XPR1: variants seen among roughly 807,000 people sequenced by gnomAD.
XPR1 encodes solute carrier family 53 member 1.
In XPR1, 28 loss-of-function variants were observed where a neutral mutation model predicts 87.5. That is an observed-to-expected ratio of 0.32 (90% CI 0.24 to 0.44). The LOEUF is 0.44. XPR1 is among the 20% of genes least tolerant of loss of function. XPR1 has a pLI of 1.00. For missense variants in XPR1, 559 were observed against 862.3 expected, an observed-to-expected ratio of 0.65 and a Z score of 4.41; for synonymous variants, 300 against 306.1, an observed-to-expected ratio of 0.98 and a Z score of 0.21.
At chr1:180,733,250 C>T (rs186992351) in intron 2 of XPR1, among the ~76,000 whole-genome samples, 228 of 152,260 alleles carry the variant, frequency 1.5e-3, no homozygotes, top group South Asian at 2.7e-3. Flanking sequence ...ACCCTATGTC[C>T]GTGGGGGCTA....
intron 2 of XPR1, among the ~76,000 whole-genome samples, chr1:180,742,171 A>G (rs1324411571): frequency 6.6e-6 from 1 of 151,150 alleles, no homozygotes; most frequent in East Asian, 2.0e-4. Context: ...CATTTCTATT[A>G]TTTCTAATAT....
chr1:180,853,243 T>A (rs1293790295), intron 11 of XPR1, among the ~76,000 whole-genome samples: 1 of 152,220 alleles, frequency 6.6e-6, no homozygotes, highest in African/African-American at 2.4e-5. Context: ...TTCTTTTCAT[T>A]TTTTAAATTC....
At chr1:180,861,049 G>A (rs757993451) in intron 11 of XPR1, among the ~76,000 whole-genome samples, 2 of 151,962 alleles carry the variant, frequency 1.3e-5, no homozygotes, top group Non-Finnish European at 2.9e-5. Flanking sequence ...AGTAAAGAAA[G>A]AAAGAAAATC....
chr1:180,786,217 T>A (rs943587487), intron 2 of XPR1, among the ~76,000 whole-genome samples: 1 of 149,612 alleles, frequency 6.7e-6, no homozygotes, highest in African/African-American at 2.4e-5. Context: ...TTCAGCATGC[T>A]TTTTAGAACC....
Position 180,659,359 on chromosome 1 carries a change from CCG to C in XPR1, c.70-23000_70-22999del, listed in dbSNP as rs1216580814. ...TCCTTCCGTCCTTCCTTCCGTCCTT[CCG>C]TCCTTCCGTCCGTCCTTCCGTCCTT... On this transcript the variant is annotated intron_variant, in intron 1 of 14. Transcript: ENST00000367590. 4.5e-5 allele frequency among the ~76,000 whole-genome samples: 6 copies of C among 133,054 alleles called. No individual in the cohort carries two copies. The East Asian group carries it at 9.7e-4, about 22-fold the overall frequency. The allele number at this position is 133,054 out of a possible 152,430, so 87.3% of individuals were successfully genotyped here.
intron 2 of XPR1, among the ~76,000 whole-genome samples, chr1:180,720,136 T>TA (rs1263523196): frequency 7.2e-5 from 11 of 152,030 alleles, no homozygotes; most frequent in African/African-American, 2.7e-4. Context: ...GGGGTGGTGT[T>TA]ACGAGATAGG....
At chr1:180,874,556 G>T (rs1413175906) in intron 13 of XPR1, among the ~76,000 whole-genome samples, 5 of 152,064 alleles carry the variant, frequency 3.3e-5, no homozygotes, top group African/African-American at 4.8e-5. Flanking sequence ...TGGGCATGGT[G>T]GTGGGCACCT....
chr1:180,775,033 A>G (rs970864504), intron 2 of XPR1, among the ~76,000 whole-genome samples: 3 of 152,188 alleles, frequency 2.0e-5, no homozygotes, highest in African/African-American at 7.2e-5. Flanking sequence ...AGCCTCTTTT[A>G]TAACGTCACT....
intron 1 of XPR1, among the ~76,000 whole-genome samples, chr1:180,680,231 CAAAA>C (rs1656521087): frequency 6.7e-6 from 1 of 149,454 alleles, no homozygotes; most frequent in African/African-American, 2.5e-5. Context: ...CAAAACAAAA[CAAAA>C]ACAATAAAAA....
At chr1:180,789,784 C>G (rs1341677944) in intron 3 of XPR1, among the ~76,000 whole-genome samples, 1 of 152,000 alleles carries the variant, frequency 6.6e-6, no homozygotes, top group Non-Finnish European at 1.5e-5. Context: ...ATCCCTTTAC[C>G]CTCATTGCCT....
At chr1:180,835,710 C>A (rs1228305292) in intron 10 of XPR1, among the ~76,000 whole-genome samples, 1 of 152,094 alleles carries the variant, frequency 6.6e-6, no homozygotes, top group African/African-American at 2.4e-5. Context: ...AGTTGATTTA[C>A]CAACTCCATT....
chr1:180,876,355 G>T (rs913746167), intron 13 of XPR1, among the ~76,000 whole-genome samples: 28 of 152,126 alleles, frequency 1.8e-4, no homozygotes, highest in African/African-American at 6.8e-4. Flanking sequence ...ATCAATCAGG[G>T]CCAGGCACGG....
chr1:180,812,290 G>T (rs1650246196), intron 7 of XPR1, among the ~76,000 whole-genome samples: 1 of 152,046 alleles, frequency 6.6e-6, no homozygotes, highest in Non-Finnish European at 1.5e-5. Flanking sequence ...GTCTATATTT[G>T]TTTCCTATCT....
intron 11 of XPR1, among the ~76,000 whole-genome samples, chr1:180,851,025 G>A (rs1651849651): frequency 6.6e-6 from 1 of 151,482 alleles, no homozygotes; most frequent in Non-Finnish European, 1.5e-5. Flanking sequence ...ATAGTTGTTA[G>A]CATTTCATTT....
intron 12 of XPR1, among the ~76,000 whole-genome samples, chr1:180,865,277 G>C (rs763933927): frequency 2.0e-5 from 3 of 152,106 alleles, no homozygotes; most frequent in Non-Finnish European, 4.4e-5. Flanking sequence ...AATTTGAAAA[G>C]AAAATTAATA....
At position 180,880,210 on chromosome 1, in the gene XPR1, A is replaced by C. The variant is rs1652804408; in HGVS notation, c.1943A>C (p.Gln648Pro). ...DQTLLEQMMD[Q>P]DDGVRNRQKN... ...ACTCTCCTAGAACAGATGATGGACCAGGATGATGGGGTACGAAACCGCCAG... is the reference window on the plus strand; with the variant it reads ...ACTCTCCTAGAACAGATGATGGACCCGGATGATGGGGTACGAAACCGCCAG... Residue 648 changes from glutamine (Q) to proline (P), a missense_variant, in exon 14 of 15, where the codon CAG (glutamine) becomes CCG (proline). Physicochemically the swap from Gln to Pro is moderately conservative, Grantham distance 76 (BLOSUM62 -1). Around this residue, in one of 7 missense-constraint regions of XPR1, gnomAD observed 80 missense variants for 99.5 expected, o/e 0.80. Coordinates refer to ENST00000367590, the MANE Select transcript of XPR1 (RefSeq NM_004736.4). 6.2e-7 allele frequency: 1 copy of C among 1,614,110 alleles called. No individual in the cohort carries two copies. The highest frequency in any genetic ancestry group is 1.1e-5 in the South Asian group (1 of 91,092).
intron 2 of XPR1, among the ~76,000 whole-genome samples, chr1:180,729,729 G>A (rs1658486954): frequency 6.6e-6 from 1 of 152,034 alleles, no homozygotes; most frequent in South Asian, 2.1e-4. Context: ...CATGTCCTTT[G>A]CCCACTTTTT....
At chr1:180,680,264 G>T (rs1656522329) in intron 1 of XPR1, among the ~76,000 whole-genome samples, 1 of 140,344 alleles carries the variant, frequency 7.1e-6, no homozygotes, top group Non-Finnish European at 1.5e-5. Flanking sequence ...AGGATGCAGA[G>T]AAAAAAGAAG....
At chr1:180,835,146 C>T in intron 10 of XPR1, 101 bp downstream of exon 10, 11 of 1,245,494 alleles carry the variant, frequency 8.8e-6, no homozygotes, top group Non-Finnish European at 1.2e-5. Flanking sequence ...GAAAACTTAC[C>T]CAATAATATT....
Sources: gnomAD v4.1 joint callset for allele counts (sites outside exome capture counted in the v4.1 genomes callset) on GRCh38, gnomAD v4.1.1 for gene constraint, gnomAD v4.1.1 regional missense constraint, MANE v1.5 for transcripts, NCBI Gene and HGNC (gene_info 2026-07-23, HGNC 2026-07-21) for gene names.